The following SMU1 variants were observed in gnomAD, a reference collection of about 807,000 sequenced individuals.
SMU1 encodes SMU1 DNA replication regulator and spliceosomal factor.
SMU1 carries 2 observed loss-of-function variants against 62.0 expected under a neutral mutation model. The observed-to-expected ratio is 0.03, with a 90% CI of 0.01 to 0.10. The LOEUF (loss-of-function observed/expected upper bound fraction) is 0.10, where lower values mean the gene tolerates loss of function less well. Ranked by LOEUF, SMU1 falls within the 10% of genes least tolerant of loss-of-function variation. The pLI, the probability that SMU1 is intolerant of heterozygous loss-of-function variation, is 1.00. For synonymous variants in SMU1, 188 were observed against 212.4 expected, an observed-to-expected ratio of 0.89 and a Z score of 1.00; for missense variants, 227 against 622.1, an observed-to-expected ratio of 0.36 and a Z score of 6.76.
intron 10 of SMU1, among the ~76,000 whole-genome samples, chr9:33,050,020 A>G (rs921532738): frequency 1.3e-5 from 2 of 152,190 alleles, no homozygotes; most frequent in Non-Finnish European, 2.9e-5. Flanking sequence ...ATAAAGAACT[A>G]TTATCCAAAA....
chr9:33,058,415 C>T (rs1202252072), intron 6 of SMU1, among the ~76,000 whole-genome samples: 2 of 152,162 alleles, frequency 1.3e-5, no homozygotes, highest in African/African-American at 4.8e-5. Flanking sequence ...CTCCTGGGTT[C>T]GAGCAATACT....
At chr9:33,076,495 CG>C (rs1033515106) in intron 1 of SMU1, 87 bp downstream of exon 1, 1 of 1,531,714 alleles carries the variant, frequency 6.5e-7, no homozygotes, top group African/African-American at 1.4e-5. Flanking sequence ...CCTGGCCTCT[CG>C]GATGCCTTCT....
intron 8 of SMU1, 55 bp from the exon 9 acceptor site, chr9:33,056,294 T>C: frequency 2.0e-6 from 3 of 1,522,120 alleles, no homozygotes; most frequent in Non-Finnish European, 2.7e-6. Context: ...CTTATGGTTG[T>C]GACCAACGAT....
At chr9:33,075,470 CCT>C (rs1839535922) in intron 1 of SMU1, among the ~76,000 whole-genome samples, 1 of 152,086 alleles carries the variant, frequency 6.6e-6, no homozygotes, top group South Asian at 2.1e-4. Flanking sequence ...GACTTAGACC[CCT>C]GTTATTCTGC....
chr9:33,063,067 A>G (rs1308326470), intron 4 of SMU1, among the ~76,000 whole-genome samples: 1 of 152,224 alleles, frequency 6.6e-6, no homozygotes, highest in Non-Finnish European at 1.5e-5. Context: ...CGGGAAAAAA[A>G]GCCTAATTCG....
intron 10 of SMU1, among the ~76,000 whole-genome samples, chr9:33,051,542 T>G (rs7846968): frequency 0.071 from 10,848 of 152,026 alleles, 521 homozygotes; most frequent in Non-Finnish European, 0.11. Context: ...ACTGATAGTG[T>G]GGAAGGCTGT....
chr9:33,060,887 C>T (rs1839354529), intron 5 of SMU1, among the ~76,000 whole-genome samples: 1 of 152,186 alleles, frequency 6.6e-6, no homozygotes, highest in Admixed American at 6.5e-5. Context: ...CCTGTTAGCT[C>T]AGACTGTAAT....
At chr9:33,075,701 G>A (rs1839537627) in intron 1 of SMU1, among the ~76,000 whole-genome samples, 1 of 152,172 alleles carries the variant, frequency 6.6e-6, no homozygotes, top group South Asian at 2.1e-4. Flanking sequence ...CATCATTTCA[G>A]TATTTGCTGA....
At chr9:33,050,618 G>C (rs2119421851) in intron 10 of SMU1, among the ~76,000 whole-genome samples, 1 of 151,614 alleles carries the variant, frequency 6.6e-6, no homozygotes. Flanking sequence ...ACGAGGTCAG[G>C]AGTTCAAGAC....
intron 2 of SMU1, among the ~76,000 whole-genome samples, chr9:33,072,734 C>A (rs1416646535): frequency 6.7e-6 from 1 of 149,690 alleles, no homozygotes; most frequent in East Asian, 2.0e-4. Flanking sequence ...GAGGCTGAGG[C>A]AGGAGAATCG....
In SMU1 at chr9:33,062,130, G is replaced by A. The variant is rs2274764; in HGVS notation, c.549C>T (p.Thr183=). The A allele has an allele frequency of 0.043, 68,723 of 1,613,692 alleles. 1,951 individuals carry two copies. Among genetic ancestry groups the A allele is most frequent in the East Asian group, 0.13 (5,734 of 44,866 alleles). Residue 183 remains threonine, a synonymous_variant, in exon 5 of 12, where the codon ACC becomes ACT. Coordinates refer to ENST00000397149, the MANE Select transcript of SMU1 (RefSeq NM_018225.3). ...QHQGLLPPGM[T]IDLFRGKAAV... The stretch of plus-strand genomic sequence containing the variant: ...CTGCCTTGCCTCGAAACAAATCTAT[G>A]GTCATACCAGGAGGAAGCAATCCCT...
At chr9:33,065,772 C>T (rs1839412805) in intron 4 of SMU1, among the ~76,000 whole-genome samples, 1 of 152,202 alleles carries the variant, frequency 6.6e-6, no homozygotes, top group South Asian at 2.1e-4. Context: ...TGAGCAACCA[C>T]CTCGCCTTAG....
chr9:33,044,576 G>C lies in SMU1; in HGVS notation c.*2717C>G, dbSNP rs1363347052. ...CAATGCTGGAGGGACGGCCGCGTGG[G>C]GCTTCAGAAAGGCTAGGCGCCGAGG... On this transcript the variant is annotated 3_prime_UTR_variant, in exon 12 of 12. Coordinates refer to ENST00000397149, the MANE Select transcript of SMU1 (RefSeq NM_018225.3). The C allele has an allele frequency of 6.6e-6, 1 of 152,276 alleles. No individual in the cohort carries two copies. Among genetic ancestry groups the C allele is most frequent in the Non-Finnish European group, 1.5e-5 (1 of 68,082 alleles). The allele number at this position is 152,276 out of a possible 1,614,324, so 9.4% of individuals were successfully genotyped here.
At position 33,051,069 on chromosome 9, in the gene SMU1, C is replaced by T. The variant is rs60423640; in HGVS notation, c.1290+2054G>A. Among the ~76,000 whole-genome samples, 75 of 72,032 alleles carry T rather than the reference C, an allele frequency of 1.0e-3. 13 individuals are homozygous for T. Among genetic ancestry groups the T allele is most frequent in the East Asian group, 1.6e-3 (6 of 3,644 alleles). 47.3% of individuals were successfully genotyped at this position (72,032 alleles called of 152,430 possible). A position where few individuals can be genotyped will look rare whatever the true frequency, so the allele number is the denominator to read the frequency against. Reference sequence around the variant, plus strand: ...CCAGGAGGCGGAGCTTGCAGTGAGCCGAGATCGCGCCACTGCACTCCAGCC... The same window carrying T: ...CCAGGAGGCGGAGCTTGCAGTGAGCTGAGATCGCGCCACTGCACTCCAGCC... On this transcript the variant is annotated intron_variant, in intron 10 of 11. Coordinates refer to ENST00000397149, the MANE Select transcript of SMU1 (RefSeq NM_018225.3).
chr9:33,055,369 A>G (rs988269245), intron 9 of SMU1, among the ~76,000 whole-genome samples: 1 of 152,170 alleles, frequency 6.6e-6, no homozygotes, highest in Non-Finnish European at 1.5e-5. Context: ...TTAAATATGT[A>G]TCTAAAATAT....
chr9:33,061,989 G>A (rs1839366978), intron 5 of SMU1, 60 bp downstream of exon 5: 1 of 1,573,920 alleles, frequency 6.4e-7, no homozygotes. Context: ...GGGCCTGGCT[G>A]AGCCCATGAC....
At chr9:33,068,768 G>A in intron 4 of SMU1, 56 bp downstream of exon 4, 2 of 1,591,752 alleles carry the variant, frequency 1.3e-6, no homozygotes, top group Non-Finnish European at 1.7e-6. Flanking sequence ...GCCTCCCAAA[G>A]TGCAAGGATG....
chr9:33,071,689 A>T (rs1004374572), intron 3 of SMU1, 51 bp downstream of exon 3: 15 of 1,479,546 alleles, frequency 1.0e-5, no homozygotes, highest in South Asian at 5.0e-5. Context: ...AGATCATGTT[A>T]TTTCATTTCC....
chr9:33,056,754 A>C, intron 8 of SMU1, 83 bp downstream of exon 8: 2 of 1,431,882 alleles, frequency 1.4e-6, no homozygotes, highest in East Asian at 4.6e-5. Context: ...ATCATGGTAA[A>C]AGCGTAAGGA....
Sources: allele counts gnomAD v4.1 joint callset (sites outside exome capture counted in the v4.1 genomes callset), GRCh38; gene constraint gnomAD v4.1.1; transcripts MANE v1.5; gene names NCBI Gene and HGNC (gene_info 2026-07-23, HGNC 2026-07-21).